Variants in RALGAPB observed in about 807,000 individuals in gnomAD.
RALGAPB encodes Ral GTPase activating protein non-catalytic subunit beta.
In RALGAPB, 25 loss-of-function variants were observed where a neutral mutation model predicts 161.1. The observed-to-expected ratio is 0.16, with a 90% CI of 0.11 to 0.22. The LOEUF is 0.22. Among genes scored for constraint, RALGAPB ranks in the 10% least tolerant of loss-of-function variants. The probability of loss-of-function intolerance (pLI) is 1.00; values close to 1 mark genes in which losing one functional copy is unlikely to be tolerated. For synonymous variants in RALGAPB, 629 were observed against 626.1 expected (o/e 1.00, Z -0.07); for missense variants, 1,391 against 1,815.2 (o/e 0.77, Z 4.25).
At chr20:38,534,764 A>G (rs1316744917) in intron 15 of RALGAPB, among the ~76,000 whole-genome samples, 1 of 152,228 alleles carries the variant, frequency 6.6e-6, no homozygotes, top group Non-Finnish European at 1.5e-5. Context: ...AAATGTAGCT[A>G]TGAGTTGATA....
At chr20:38,574,751 T>C in intron 29 of RALGAPB, 23 bp from the exon 30 acceptor site, 4 of 1,599,724 alleles carry the variant, frequency 2.5e-6, no homozygotes, top group Non-Finnish European at 3.4e-6. Context: ...CTAACGTTTA[T>C]TTTAAAACTC....
intron 18 of RALGAPB, among the ~76,000 whole-genome samples, chr20:38,544,823 A>G (rs1601005034): frequency 6.6e-6 from 1 of 152,258 alleles, no homozygotes; most frequent in Middle Eastern, 3.4e-3. Context: ...ATAATACTAC[A>G]TTTTCATTAA....
chr20:38,511,481 C>T (rs1600899637), intron 6 of RALGAPB, among the ~76,000 whole-genome samples: 1 of 151,996 alleles, frequency 6.6e-6, no homozygotes, highest in South Asian at 2.1e-4. Context: ...GCCCTGCCGC[C>T]TTCCGCAGTG....
chr20:38,559,224 G>A (rs1474394995), intron 23 of RALGAPB, among the ~76,000 whole-genome samples: 1 of 152,182 alleles, frequency 6.6e-6, no homozygotes, highest in Non-Finnish European at 1.5e-5. Context: ...TAAAACAATA[G>A]CAACAAATAT....
chr20:38,535,572 A>G (rs983755573), intron 16 of RALGAPB, among the ~76,000 whole-genome samples: 15 of 151,674 alleles, frequency 9.9e-5, no homozygotes, highest in Non-Finnish European at 1.8e-4. Context: ...ATTATCAGAG[A>G]TAAGTGAAAA....
chr20:38,531,326 C>T, intron 14 of RALGAPB, 95 bp downstream of exon 14: 1 of 1,086,830 alleles, frequency 9.2e-7, no homozygotes, highest in South Asian at 1.4e-5. Flanking sequence ...TTTTAAAGGC[C>T]TTTGGTTTGT....
chr20:38,571,590 C>T (rs2088242639), intron 28 of RALGAPB, among the ~76,000 whole-genome samples: 1 of 152,112 alleles, frequency 6.6e-6, no homozygotes, highest in Non-Finnish European at 1.5e-5. Flanking sequence ...CCACATTTTC[C>T]TTGTCTATTC....
chr20:38,483,286 T>C (rs984858101), intron 1 of RALGAPB, among the ~76,000 whole-genome samples: 1 of 152,256 alleles, frequency 6.6e-6, no homozygotes, highest in African/African-American at 2.4e-5. Flanking sequence ...AGAGCTGGGA[T>C]TTGAATCTAT....
chr20:38,482,449 A>G (rs1228110032), intron 1 of RALGAPB, among the ~76,000 whole-genome samples: 2 of 121,272 alleles, frequency 1.6e-5, no homozygotes, highest in Admixed American at 9.7e-5. Context: ...TTTTTTTGAG[A>G]CAGAGTCTTG....
At chr20:38,565,264 C>T in intron 24 of RALGAPB, 95 bp from the exon 25 acceptor site, 2 of 1,370,088 alleles carry the variant, frequency 1.5e-6, no homozygotes, top group African/African-American at 1.5e-5. Flanking sequence ...TTCTATTTAT[C>T]ACTTTATTAA....
At chr20:38,561,790 A>G (rs894519713) in intron 23 of RALGAPB, among the ~76,000 whole-genome samples, 2 of 152,204 alleles carry the variant, frequency 1.3e-5, no homozygotes, top group South Asian at 4.1e-4. Flanking sequence ...TAGAACATTT[A>G]GCAGCATCTT....
intron 29 of RALGAPB, 30 bp downstream of exon 29, chr20:38,574,328 A>G: frequency 6.4e-7 from 1 of 1,558,104 alleles, no homozygotes; most frequent in Non-Finnish European, 8.6e-7. Context: ...CCGAAGAGTT[A>G]AATTTTCTTT....
Position 38,569,937 on chromosome 20 carries a change from C to T in RALGAPB, c.4004C>T (p.Pro1335Leu), listed in dbSNP as rs1013340460. Reference protein sequence around the residue: ...MRKLPQGRPVPPLGPETRVSV... With the variant: ...MRKLPQGRPVLPLGPETRVSV... ...AAGCTGCCTCAGGGTCGCCCTGTTC[C>T]TCCCCTTGGACCTGAGACAAGAGTT... Residue 1335 changes from proline (P) to leucine (L), a missense_variant, in exon 27 of 30, where the codon CCT (proline) becomes CTT (leucine). Pro to Leu is a moderately conservative substitution (Grantham distance 98, BLOSUM62 -3). Coordinates refer to ENST00000262879, the MANE Select transcript of RALGAPB (RefSeq NM_020336.4). The T allele has an allele frequency of 6.2e-7, 1 of 1,613,544 alleles. No individual in the cohort carries two copies. The highest frequency in any genetic ancestry group is 8.5e-7 in the Non-Finnish European group (1 of 1,179,738).
chr20:38,552,972 G>T (rs538624724), intron 21 of RALGAPB, among the ~76,000 whole-genome samples: 4 of 152,226 alleles, frequency 2.6e-5, no homozygotes, highest in East Asian at 1.9e-4. Context: ...TAGATGTGGG[G>T]GCTTCAGTTT....
chr20:38,519,932 CAT>C (rs2086239607), intron 9 of RALGAPB, among the ~76,000 whole-genome samples: 1 of 152,138 alleles, frequency 6.6e-6, no homozygotes, highest in African/African-American at 2.4e-5. Flanking sequence ...GTAAAAGTAA[CAT>C]TGAGCTGGGA....
intron 20 of RALGAPB, among the ~76,000 whole-genome samples, chr20:38,549,563 T>TATATAC (rs1257286785): frequency 1.6e-4 from 18 of 115,360 alleles, no homozygotes; most frequent in Middle Eastern, 4.4e-3. Flanking sequence ...TATATATATA[T>TATATAC]ACACACACAC....
intron 6 of RALGAPB, among the ~76,000 whole-genome samples, chr20:38,514,953 G>A (rs1416204775): frequency 6.6e-6 from 1 of 152,118 alleles, no homozygotes; most frequent in Non-Finnish European, 1.5e-5. Flanking sequence ...TAAATATTTG[G>A]GAGCCAATAA....
rs371347794 is a variant in RALGAPB at position 38,517,680 on chromosome 20, T to G, written c.1200+26T>G. The G allele has an allele frequency of 2.5e-6, 4 of 1,612,266 alleles. No homozygotes were observed. The East Asian group carries it at 8.9e-5, about 36-fold the overall frequency. ...GTAAGAGTTTACATCACCATTGTTA[T>G]GCTATATAAGGTTGGCTTTTTAATC... is the stretch of plus-strand genomic sequence containing the variant. On this transcript the variant is annotated intron_variant, in intron 8 of 29. Coordinates refer to ENST00000262879, the MANE Select transcript of RALGAPB (RefSeq NM_020336.4).
intron 22 of RALGAPB, among the ~76,000 whole-genome samples, chr20:38,557,378 T>C (rs1213686040): frequency 6.6e-6 from 1 of 152,208 alleles, no homozygotes; most frequent in East Asian, 1.9e-4. Context: ...CCGAAGTCGG[T>C]GATTTACAAT....
Sources: allele counts gnomAD v4.1 joint callset (sites outside exome capture counted in the v4.1 genomes callset), GRCh38; gene constraint gnomAD v4.1.1; transcripts MANE v1.5; gene names NCBI Gene and HGNC (gene_info 2026-07-23, HGNC 2026-07-21).